The following ITGA9 variants were observed in gnomAD, a reference collection of about 807,000 sequenced individuals.
ITGA9 encodes integrin subunit alpha 9, also known as integrin alpha-9.
ITGA9 carries 56 observed loss-of-function variants against 127.8 expected under a neutral mutation model. The observed-to-expected ratio is 0.44, with a 90% CI of 0.35 to 0.55. ITGA9 has a LOEUF of 0.55. ITGA9 is among the 20% of genes least tolerant of loss of function. The pLI is 0.00. For missense variants in ITGA9, 1,196 were observed against 1,347.1 expected (o/e 0.89, Z 1.76); for synonymous variants, 508 against 514.5 (o/e 0.99, Z 0.17).
In ITGA9 at chr3:37,742,551, G is replaced by T. The variant is rs72860913; in HGVS notation, c.2324+732G>T. Among the ~76,000 whole-genome samples the T allele has an allele frequency of 7.4e-3, 1,128 of 152,346 alleles. 21 individuals are homozygous for T. The highest frequency in any genetic ancestry group is 0.025 in the African/African-American group (1,059 of 41,578). On this transcript the variant is annotated intron_variant, in intron 21 of 27. Coordinates refer to ENST00000264741, the MANE Select transcript of ITGA9 (RefSeq NM_002207.3). The stretch of plus-strand genomic sequence containing the variant: ...TTTCTTTCCAGCTTCAGAAAACAGA[G>T]TGCATACCTCTTTGATAGTGGAAAA...
At position 37,675,572 on chromosome 3, in the gene ITGA9, G is replaced by A. The variant is rs117720850; in HGVS notation, c.1917-8293G>A. The stretch of plus-strand genomic sequence containing the variant: ...CACAGGTAATGAATGAGGCTCATTT[G>A]CACAACATACAACTTTGGACATCAG... On this transcript the variant is annotated intron_variant, in intron 17 of 27. Transcript: ENST00000264741. Among the ~76,000 whole-genome samples, 12 of 152,110 alleles carry A rather than the reference G, an allele frequency of 7.9e-5. No individual in the cohort carries two copies. The East Asian group carries it at 2.3e-3, about 29-fold the overall frequency.
chr3:37,590,960 C>T (rs1699810049), intron 15 of ITGA9, among the ~76,000 whole-genome samples: 1 of 152,180 alleles, frequency 6.6e-6, no homozygotes, highest in South Asian at 2.1e-4. Context: ...ATCAGGGTGG[C>T]TCAGATGCAG....
At chr3:37,738,757 G>C (rs1269179709) in intron 20 of ITGA9, among the ~76,000 whole-genome samples, 2 of 152,200 alleles carry the variant, frequency 1.3e-5, no homozygotes, top group Non-Finnish European at 1.5e-5. Context: ...GTATGCCTGG[G>C]AAGGAATGTG....
At chr3:37,512,955 A>G (rs1410988218) in intron 8 of ITGA9, among the ~76,000 whole-genome samples, 1 of 152,116 alleles carries the variant, frequency 6.6e-6, no homozygotes, top group African/African-American at 2.4e-5. Context: ...AAAAGTCAAT[A>G]TTATCTTGCT....
intron 15 of ITGA9, among the ~76,000 whole-genome samples, chr3:37,549,545 A>T (rs905103641): frequency 2.0e-5 from 3 of 152,212 alleles, no homozygotes; most frequent in Non-Finnish European, 4.4e-5. Context: ...CACTGGGTTC[A>T]TCTATTAATA....
intron 14 of ITGA9, among the ~76,000 whole-genome samples, chr3:37,537,016 C>T (rs1436236220): frequency 1.3e-5 from 2 of 152,236 alleles, no homozygotes; most frequent in East Asian, 1.9e-4. Context: ...GTGGGACCCA[C>T]ATCTGTGTTT....
rs1696434007 is a variant in ITGA9 at position 37,741,424 on chromosome 3, T to G, written c.2235-306T>G. On this transcript the variant is annotated intron_variant, in intron 20 of 27. Transcript: ENST00000264741. ...CTGGCTGCCGACAGCACGACCCTCC[T>G]GTATGGCATGCCTTTATTGTCTCCT... 2.0e-5 allele frequency among the ~76,000 whole-genome samples: 3 copies of G among 152,184 alleles called. No homozygotes were observed. In the South Asian group the frequency reaches 6.2e-4, roughly 31 times the overall value.
intron 17 of ITGA9, among the ~76,000 whole-genome samples, chr3:37,670,955 G>T (rs1006958921): frequency 6.6e-6 from 1 of 152,174 alleles, no homozygotes; most frequent in African/African-American, 2.4e-5. Context: ...TGTCTGCCCC[G>T]CTAGCTTTGA....
At chr3:37,669,367 C>T (rs1356793554) in intron 17 of ITGA9, among the ~76,000 whole-genome samples, 2 of 152,204 alleles carry the variant, frequency 1.3e-5, no homozygotes, top group African/African-American at 2.4e-5. Flanking sequence ...CCCTTGGTGT[C>T]TGGTTGAGGC....
chr3:37,794,081 C>G (rs1229224609), intron 26 of ITGA9, among the ~76,000 whole-genome samples: 1 of 152,222 alleles, frequency 6.6e-6, no homozygotes, highest in Non-Finnish European at 1.5e-5. Flanking sequence ...TGAATGACCT[C>G]ATTGTGTGAG....
chr3:37,481,088 A>G (rs1698547274), intron 3 of ITGA9, among the ~76,000 whole-genome samples: 1 of 152,050 alleles, frequency 6.6e-6, no homozygotes, highest in South Asian at 2.1e-4. Context: ...AGCCTTTCTC[A>G]CGATGTATCC....
chr3:37,476,985 A>G (rs1354387823), intron 3 of ITGA9, among the ~76,000 whole-genome samples: 1 of 152,170 alleles, frequency 6.6e-6, no homozygotes, highest in Admixed American at 6.5e-5. Context: ...GGCTGATTCT[A>G]AGTGGCTGAA....
intron 15 of ITGA9, among the ~76,000 whole-genome samples, chr3:37,620,020 T>C (rs1700112560): frequency 6.6e-6 from 1 of 152,212 alleles, no homozygotes; most frequent in South Asian, 2.1e-4. Flanking sequence ...ACGCCATCCT[T>C]TCTGATTCAC....
intron 23 of ITGA9, among the ~76,000 whole-genome samples, chr3:37,772,483 G>A (rs1696856628): frequency 6.6e-6 from 1 of 152,102 alleles, no homozygotes; most frequent in East Asian, 1.9e-4. Context: ...ATGTTAATGT[G>A]TGGAAAGCAC....
At chr3:37,687,921 A>G (rs1444781701) in intron 18 of ITGA9, among the ~76,000 whole-genome samples, 1 of 152,232 alleles carries the variant, frequency 6.6e-6, no homozygotes, top group Non-Finnish European at 1.5e-5. Flanking sequence ...GCGTGCATTT[A>G]TAAGCAGGTT....
At chr3:37,666,191 G>A (rs1424109605) in intron 17 of ITGA9, among the ~76,000 whole-genome samples, 1 of 152,176 alleles carries the variant, frequency 6.6e-6, no homozygotes, top group Non-Finnish European at 1.5e-5. Context: ...CACAAGGGAG[G>A]CAGCACTCTA....
intron 23 of ITGA9, among the ~76,000 whole-genome samples, chr3:37,758,254 C>T (rs1449317138): frequency 4.6e-5 from 6 of 130,630 alleles, no homozygotes; most frequent in Non-Finnish European, 6.2e-5. Context: ...ACCCGGGAAG[C>T]GGAGCTTGCA....
At chr3:37,586,386 T>G (rs913271040) in intron 15 of ITGA9, among the ~76,000 whole-genome samples, 1 of 152,202 alleles carries the variant, frequency 6.6e-6, no homozygotes, top group Non-Finnish European at 1.5e-5. Flanking sequence ...GGACTTTCTC[T>G]GACAGACGGC....
At chr3:37,649,892 A>G (rs1298494975) in intron 16 of ITGA9, among the ~76,000 whole-genome samples, 1 of 152,258 alleles carries the variant, frequency 6.6e-6, no homozygotes, top group Admixed American at 6.5e-5. Flanking sequence ...GAATGAAACT[A>G]GAAATCAGTA....
Sources: allele counts gnomAD v4.1 joint callset (sites outside exome capture counted in the v4.1 genomes callset), GRCh38; gene constraint gnomAD v4.1.1; transcripts MANE v1.5; gene names NCBI Gene and HGNC (gene_info 2026-07-23, HGNC 2026-07-21).